The following DMD variants were observed in gnomAD, a reference collection of about 807,000 sequenced individuals.
The protein encoded by DMD is mutant dystrophin.
DMD carries 63 observed loss-of-function variants against 330.1 expected under a neutral mutation model. That is an observed-to-expected ratio of 0.19 (90% CI 0.16 to 0.24). The LOEUF (loss-of-function observed/expected upper bound fraction) is 0.24. Ranked by LOEUF, DMD falls within the 10% of genes least tolerant of loss-of-function variation. The pLI, the probability that DMD is intolerant of heterozygous loss-of-function variation, is 1.00. For synonymous variants in DMD, 1,223 were observed against 959.8 expected, an observed-to-expected ratio of 1.27 and a Z score of -5.07; for missense variants, 3,344 against 2,684.1, an observed-to-expected ratio of 1.25 and a Z score of -5.43.
At chrX:31,661,715 GTGTGTGTGTGTA>G (rs1430270519) in intron 53 of DMD, among the ~76,000 whole-genome samples, 2 of 107,041 alleles carry the variant, frequency 1.9e-5, no homozygotes, top group African/African-American at 6.9e-5. Flanking sequence ...CTTTGTATAT[GTGTGTGTGTGTA>G]TGTGTGTGTG....
chrX:32,935,464 TGATTTTCTC>T lies in DMD; in HGVS notation c.93+84666_93+84674del, dbSNP rs1288171904. ...TGTGGACCTCTACATTATGTTTTTA[TGATTTTCTC>T]ATATTCTTACATGTGATCATAGTTA... is the stretch of plus-strand genomic sequence containing the variant. On this transcript the variant is annotated intron_variant, in intron 2 of 78. Transcript: ENST00000357033. Among the ~76,000 whole-genome samples the T allele has an allele frequency of 6.2e-5, 7 of 112,224 alleles. No individual in the cohort carries two copies. In the East Asian group the frequency reaches 2.0e-3, roughly 31 times the overall value.
intron 11 of DMD, among the ~76,000 whole-genome samples, chrX:32,642,753 G>T (rs2059550306): frequency 9.0e-6 from 1 of 111,518 alleles, no homozygotes; most frequent in Non-Finnish European, 1.9e-5. Flanking sequence ...ATGCCATATT[G>T]TTAGTTTTAT....
At chrX:31,639,085 AGAAATAGGTTAGGTGCTCC>A (rs1334172612) in intron 54 of DMD, among the ~76,000 whole-genome samples, 1 of 112,156 alleles carries the variant, frequency 8.9e-6, no homozygotes, top group Non-Finnish European at 1.9e-5. Flanking sequence ...TGTATCACTC[AGAAATAGGTTAGGTGCTCC>A]GAAAATACTG....
chrX:32,858,980 C>A (rs2081838530), intron 2 of DMD, among the ~76,000 whole-genome samples: 1 of 111,466 alleles, frequency 9.0e-6, no homozygotes, highest in African/African-American at 3.3e-5. Context: ...CTTTCTGAGG[C>A]ACAATTTATT....
intron 47 of DMD, among the ~76,000 whole-genome samples, chrX:31,883,411 G>GT (rs1556970007): frequency 3.7e-5 from 4 of 109,292 alleles, no homozygotes; most frequent in Non-Finnish European, 3.8e-5. Flanking sequence ...GATACACTAA[G>GT]TTTTTTTTAA....
At position 32,738,695 on chromosome X, in the gene DMD, G is replaced by A. The variant is rs760011093; in HGVS notation, c.650-39402C>T. ...TCTTCTACATGTTCACTTGTCACCC[G>A]TCTGCAGAACAGAATTGGAGAACAT... is the stretch of plus-strand genomic sequence containing the variant. On this transcript the variant is annotated intron_variant, in intron 7 of 78. Transcript: ENST00000357033. 5.5e-3 allele frequency among the ~76,000 whole-genome samples: 514 copies of A among 94,308 alleles called. 12 individuals carry two copies. Among genetic ancestry groups the A allele is most frequent in the African/African-American group, 0.033 (485 of 14,625 alleles). 81.9% of individuals were successfully genotyped at this position (94,308 alleles called of 115,157 possible).
At chrX:31,799,803 T>C (rs1341637607) in intron 50 of DMD, among the ~76,000 whole-genome samples, 5 of 112,241 alleles carry the variant, frequency 4.5e-5, no homozygotes, top group African/African-American at 1.6e-4. Flanking sequence ...GGTACAGGCA[T>C]TGGGTAAATA....
At chrX:31,977,773 C>T (rs965017698) in intron 44 of DMD, among the ~76,000 whole-genome samples, 4 of 95,475 alleles carry the variant, frequency 4.2e-5, no homozygotes, top group African/African-American at 8.0e-5. Context: ...TGACTGGGCA[C>T]GCCCTCTGCA....
intron 62 of DMD, among the ~76,000 whole-genome samples, chrX:31,272,990 T>C (rs1340150900): frequency 8.9e-6 from 1 of 112,261 alleles, no homozygotes; most frequent in Admixed American, 9.4e-5. Flanking sequence ...AGTTATGTTC[T>C]TATTTTGGTG....
chrX:32,708,300 A>G (rs865971478), intron 7 of DMD, among the ~76,000 whole-genome samples: 1 of 95,362 alleles, frequency 1.0e-5, no homozygotes. Flanking sequence ...TTTTTTTTTG[A>G]AAAAAATATG....
chrX:31,753,910 C>T (rs2088824019), intron 51 of DMD, among the ~76,000 whole-genome samples: 1 of 111,391 alleles, frequency 9.0e-6, no homozygotes, highest in Non-Finnish European at 1.9e-5. Context: ...TGTTAACCAA[C>T]TTTTTCTATG....
At chrX:33,188,467 A>G (rs1243253772) in intron 1 of DMD, among the ~76,000 whole-genome samples, 1 of 110,288 alleles carries the variant, frequency 9.1e-6, no homozygotes, top group African/African-American at 3.3e-5. Context: ...TTGCACTACA[A>G]TCATACTGAC....
chrX:32,479,446 C>T (rs1317547666), intron 21 of DMD, among the ~76,000 whole-genome samples: 1 of 110,748 alleles, frequency 9.0e-6, no homozygotes, highest in Non-Finnish European at 1.9e-5. Flanking sequence ...TTCCTCTTCC[C>T]CCCAGTCTCT....
intron 47 of DMD, among the ~76,000 whole-genome samples, chrX:31,877,150 CAA>C (rs2093980739): frequency 8.9e-6 from 1 of 111,852 alleles, no homozygotes. Flanking sequence ...GAATTTTAAA[CAA>C]GATTGTATAC....
chrX:31,280,167 G>A (rs1190722306), intron 62 of DMD, among the ~76,000 whole-genome samples: 2 of 111,941 alleles, frequency 1.8e-5, no homozygotes, highest in African/African-American at 6.5e-5. Flanking sequence ...ATGCTGAAAT[G>A]AACAGAAAGA....
rs201101153 is a variant in DMD, at chrX:32,329,803, GTTAAT to G, written c.5922+12292_5922+12296del. 5.3e-5 allele frequency among the ~76,000 whole-genome samples: 6 copies of G among 112,486 alleles called. No individual in the cohort carries two copies. In the East Asian group the frequency reaches 1.7e-3, roughly 32 times the overall value. On this transcript the variant is annotated intron_variant, in intron 41 of 78. Transcript: ENST00000357033. Reference sequence around the variant, plus strand: ...TATGGACCTTCTGGAACTTTCCCCAGTTAATTTATTCTGGCGAGAAGTGCCCATGC... The same window carrying G: ...TATGGACCTTCTGGAACTTTCCCCAGTTATTCTGGCGAGAAGTGCCCATGC...
At chrX:32,965,266 C>T (rs144934730) in intron 2 of DMD, among the ~76,000 whole-genome samples, 6,593 of 110,719 alleles carry the variant, frequency 0.06, 484 homozygotes, top group African/African-American at 0.21. Flanking sequence ...CCAAGGTGGG[C>T]GGATCATTTG....
chrX:33,285,344 A>C (rs1297252315), intron 1 of DMD, among the ~76,000 whole-genome samples: 1 of 111,279 alleles, frequency 9.0e-6, no homozygotes, highest in Non-Finnish European at 1.9e-5. Context: ...AATGTAGTGG[A>C]GAAGCAAACT....
chrX:31,247,913 T>C (rs144387594), intron 63 of DMD, among the ~76,000 whole-genome samples: 1,765 of 111,872 alleles, frequency 0.016, 45 homozygotes, highest in African/African-American at 0.054. Flanking sequence ...TTTCATGAGA[T>C]AGTATCACAT....
Sources: allele counts gnomAD v4.1 joint callset (sites outside exome capture counted in the v4.1 genomes callset), GRCh38; gene constraint gnomAD v4.1.1; transcripts MANE v1.5; gene names NCBI Gene and HGNC (gene_info 2026-07-23, HGNC 2026-07-21).